CADM2: variants seen among roughly 807,000 people sequenced by gnomAD.
The protein encoded by CADM2 is immunoglobulin superfamily member 4D.
A neutral mutation model predicts 49.8 loss-of-function variants in CADM2; 12 were observed. That is an observed-to-expected ratio of 0.24 (90% CI 0.15 to 0.39). CADM2 has a LOEUF of 0.39. CADM2 is among the 10% of genes least tolerant of loss of function. The pLI is 1.00. For missense variants in CADM2, 378 were observed against 492.3 expected (o/e 0.77, Z 2.20); for synonymous variants, 214 against 175.4 (o/e 1.22, Z -1.74).
chr3:85,081,584 T>C (rs1310788371), intron 1 of CADM2, among the ~76,000 whole-genome samples: 2 of 152,182 alleles, frequency 1.3e-5, no homozygotes, highest in Admixed American at 1.3e-4. Context: ...GATTGTAAAG[T>C]GAGTAACTCT....
Position 86,027,107 on chromosome 3 carries a change from G to A in CADM2, c.971-38498G>A, listed in dbSNP as rs186822293. On this transcript the variant is annotated intron_variant, in intron 8 of 9. Coordinates refer to ENST00000383699, the MANE Select transcript of CADM2 (RefSeq NM_001167675.2). Reference sequence around the variant, plus strand: ...AATGAATTAACAATTCTAGTAACAGGGTTCATCATCATTTATTTTTAAGTT... The same window carrying A: ...AATGAATTAACAATTCTAGTAACAGAGTTCATCATCATTTATTTTTAAGTT... Among the ~76,000 whole-genome samples the A allele has an allele frequency of 2.5e-3, 379 of 152,012 alleles. 1 individual carries two copies. The highest frequency in any genetic ancestry group is 8.9e-3 in the African/African-American group (367 of 41,464).
rs1559835762 is a variant in CADM2 at position 86,066,720 on chromosome 3, A to T, written c.1152A>T (p.Thr384=). The change falls in exon 10 of 10, where the codon ACA becomes ACT. Residue 384 remains threonine (T), a synonymous_variant. Transcript: ENST00000383699. ...CTGAAGATGCACCAGATGCTGATAC[A>T]GCCATTATCAATGCTGAAGGCAGCC... ...KGAEDAPDAD[T]AIINAEGSQV... 6.2e-7 allele frequency: 1 copy of T among 1,614,118 alleles called. No individual in the cohort carries two copies. The highest frequency in any genetic ancestry group is 8.5e-7 in the Non-Finnish European group (1 of 1,179,946).
intron 1 of CADM2, among the ~76,000 whole-genome samples, chr3:85,543,600 T>A (rs6790090): frequency 0.51 from 77,882 of 151,982 alleles, 23,040 homozygotes; most frequent in East Asian, 0.85. Context: ...TAGAACTCTT[T>A]ATCCATTTTG....
chr3:85,614,059 A>G (rs2063740504), intron 1 of CADM2, among the ~76,000 whole-genome samples: 1 of 151,744 alleles, frequency 6.6e-6, no homozygotes, highest in Non-Finnish European at 1.5e-5. Context: ...AAAATTATTT[A>G]TATTAACCAA....
chr3:85,460,733 G>GGGGT (rs1553726077), intron 1 of CADM2, among the ~76,000 whole-genome samples: 61 of 149,160 alleles, frequency 4.1e-4, no homozygotes, highest in African/African-American at 1.4e-3. Flanking sequence ...TGGGAGATGT[G>GGGGT]GTGTGTGTGT....
At chr3:85,454,939 T>A (rs1559848671) in intron 1 of CADM2, among the ~76,000 whole-genome samples, 2 of 152,342 alleles carry the variant, frequency 1.3e-5, no homozygotes, top group East Asian at 3.9e-4. Flanking sequence ...CAATGCTGCC[T>A]TATTTTTGAT....
intron 8 of CADM2, chr3:86,013,633 A>G: frequency 2.5e-6 from 4 of 1,601,186 alleles, no homozygotes; most frequent in East Asian, 4.5e-5. Flanking sequence ...ATTATCACTG[A>G]CGATGTAGTG....
At chr3:85,548,444 T>C (rs1042209971) in intron 1 of CADM2, among the ~76,000 whole-genome samples, 1 of 151,840 alleles carries the variant, frequency 6.6e-6, no homozygotes, top group African/African-American at 2.4e-5. Flanking sequence ...AAGGAGAAAT[T>C]TGCAGTAGTA....
intron 9 of CADM2, among the ~76,000 whole-genome samples, chr3:86,066,345 A>AAAAAC (rs1739327148): frequency 6.7e-6 from 1 of 149,680 alleles, no homozygotes; most frequent in Non-Finnish European, 1.5e-5. Context: ...AAAAAAAAAA[A>AAAAAC]AAAAAAAAAA....
chr3:85,480,371 G>A (rs976268772), intron 1 of CADM2, among the ~76,000 whole-genome samples: 12 of 151,802 alleles, frequency 7.9e-5, no homozygotes, highest in African/African-American at 2.7e-4. Flanking sequence ...TAAAAGCAAG[G>A]ATTATGTAGG....
chr3:85,795,184 AT>A (rs1450265640), intron 2 of CADM2, among the ~76,000 whole-genome samples: 1 of 152,100 alleles, frequency 6.6e-6, no homozygotes, highest in Non-Finnish European at 1.5e-5. Context: ...TAGCATACTA[AT>A]TTTGCTAATT....
chr3:85,270,050 A>T (rs2043204886), intron 1 of CADM2, among the ~76,000 whole-genome samples: 1 of 151,282 alleles, frequency 6.6e-6, no homozygotes, highest in Non-Finnish European at 1.5e-5. Flanking sequence ...TTCAGGTATC[A>T]TAGAGCTTGA....
chr3:86,032,298 T>C (rs1180122886), intron 8 of CADM2, among the ~76,000 whole-genome samples: 1 of 151,766 alleles, frequency 6.6e-6, no homozygotes, highest in African/African-American at 2.4e-5. Flanking sequence ...AACAGGTACA[T>C]AAAGTTTAAA....
chr3:85,525,005 A>G (rs2106918657), intron 1 of CADM2, among the ~76,000 whole-genome samples: 1 of 152,180 alleles, frequency 6.6e-6, no homozygotes, highest in South Asian at 2.1e-4. Context: ...AGGGCCTGCC[A>G]GGTGGTAGGG....
At chr3:85,988,277 A>T (rs1194270926) in intron 8 of CADM2, among the ~76,000 whole-genome samples, 1 of 152,202 alleles carries the variant, frequency 6.6e-6, no homozygotes, top group Non-Finnish European at 1.5e-5. Flanking sequence ...ATCCCCCATT[A>T]GTTTTCTATA....
chr3:85,370,217 A>ATAATAT (rs1664109066), intron 1 of CADM2, among the ~76,000 whole-genome samples: 1 of 109,438 alleles, frequency 9.1e-6, no homozygotes, highest in Non-Finnish European at 1.9e-5. Context: ...CCTTTTCAAA[A>ATAATAT]TAATAATAAT....
chr3:85,620,784 A>C (rs2063950530), intron 1 of CADM2, among the ~76,000 whole-genome samples: 1 of 152,098 alleles, frequency 6.6e-6, no homozygotes, highest in Non-Finnish European at 1.5e-5. Flanking sequence ...AAGATCATAC[A>C]ATTTGTCTAG....
chr3:85,131,736 TG>T (rs1341635276), intron 1 of CADM2, among the ~76,000 whole-genome samples: 1 of 152,136 alleles, frequency 6.6e-6, no homozygotes, highest in East Asian at 1.9e-4. Context: ...TTAGTGAAAA[TG>T]TTCCCCTTCA....
chr3:85,822,410 C>T (rs956954692), intron 3 of CADM2, among the ~76,000 whole-genome samples: 1 of 151,922 alleles, frequency 6.6e-6, no homozygotes, highest in Non-Finnish European at 1.5e-5. Context: ...ATGATGAAAC[C>T]CCGTCTTTAC....
Sources: gnomAD v4.1 joint callset for allele counts (sites outside exome capture counted in the v4.1 genomes callset) on GRCh38, gnomAD v4.1.1 for gene constraint, MANE v1.5 for transcripts, NCBI Gene and HGNC (gene_info 2026-07-23, HGNC 2026-07-21) for gene names.